Variants in DPP10 observed in about 807,000 individuals in gnomAD.
DPP10 encodes the protein inactive dipeptidyl peptidase 10.
Under a neutral mutation model 120.9 loss-of-function variants are expected in DPP10, and 33 were observed. That is an observed-to-expected ratio of 0.27 (90% CI 0.21 to 0.37). The LOEUF (loss-of-function observed/expected upper bound fraction) is 0.37, where lower values mean the gene tolerates loss of function less well. Among genes scored for constraint, DPP10 ranks in the 10% least tolerant of loss-of-function variants. The probability of loss-of-function intolerance (pLI) is 1.00; values close to 1 mark genes in which losing one functional copy is unlikely to be tolerated. For synonymous variants in DPP10, 337 were observed against 326.1 expected, an observed-to-expected ratio of 1.03 and a Z score of -0.36; for missense variants, 816 against 942.8, an observed-to-expected ratio of 0.87 and a Z score of 1.76.
At chr2:114,859,161 T>G (rs184754158) in intron 1 of DPP10, among the ~76,000 whole-genome samples, 1 of 149,842 alleles carries the variant, frequency 6.7e-6, no homozygotes, top group East Asian at 1.9e-4. Flanking sequence ...ACTCTGTCTC[T>G]ACTTAAAAAA....
At chr2:114,922,259 C>A (rs915718054) in intron 1 of DPP10, among the ~76,000 whole-genome samples, 1 of 152,182 alleles carries the variant, frequency 6.6e-6, no homozygotes, top group Admixed American at 6.5e-5. Flanking sequence ...ACCTCCCTCT[C>A]AGTTTATGCA....
intron 1 of DPP10, among the ~76,000 whole-genome samples, chr2:114,935,472 G>T (rs1251423034): frequency 6.6e-6 from 1 of 152,078 alleles, no homozygotes; most frequent in Non-Finnish European, 1.5e-5. Flanking sequence ...AAGTAGTATT[G>T]TCCCTTTGCA....
At chr2:114,676,410 G>A (rs1308524810) in intron 1 of DPP10, among the ~76,000 whole-genome samples, 1 of 152,080 alleles carries the variant, frequency 6.6e-6, no homozygotes, top group South Asian at 2.1e-4. Flanking sequence ...CATATCAATT[G>A]TATCTGTTTT....
chr2:115,777,720 A>ACAATGTGC, intron 14 of DPP10, 67 bp from the exon 15 acceptor site: 1 of 1,539,176 alleles, frequency 6.5e-7, no homozygotes, highest in African/African-American at 1.4e-5. Context: ...TGACAATGTG[A>ACAATGTGC]CAAAATTCAC....
intron 2 of DPP10, among the ~76,000 whole-genome samples, chr2:115,318,601 A>G (rs1050857479): frequency 7.2e-5 from 11 of 152,136 alleles, no homozygotes; most frequent in African/African-American, 2.4e-4. Context: ...AACAAAAATC[A>G]ACATTTTGTA....
rs146541816 is a variant in DPP10 at position 115,808,873 on chromosome 2, G to T, written c.1701-5920G>T. On this transcript the variant is annotated intron_variant, in intron 19 of 25. Coordinates refer to ENST00000410059, the MANE Select transcript of DPP10 (RefSeq NM_020868.6). ...TCAGGTAGCCTTCATCATAATCACC[G>T]CCAGAAAGAAAAATCTTAGAACTAG... 1.3e-4 allele frequency among the ~76,000 whole-genome samples: 20 copies of T among 152,192 alleles called. 1 individual carries two copies. Among genetic ancestry groups the T allele is most frequent in the Admixed American group, 1.2e-3 (18 of 15,278 alleles).
chr2:114,615,128 A>T (rs1336384562), intron 1 of DPP10, among the ~76,000 whole-genome samples: 1 of 152,150 alleles, frequency 6.6e-6, no homozygotes, highest in Non-Finnish European at 1.5e-5. Flanking sequence ...TAGATGTACA[A>T]ATCTTATTGC....
chr2:115,748,696 A>G (rs1028050775), intron 10 of DPP10, among the ~76,000 whole-genome samples: 1 of 152,092 alleles, frequency 6.6e-6, no homozygotes. Context: ...TGTAATAGAA[A>G]AAGTTCCCCA....
intron 1 of DPP10, among the ~76,000 whole-genome samples, chr2:115,246,266 C>T (rs144562418): frequency 2.0e-5 from 3 of 152,204 alleles, no homozygotes; most frequent in African/African-American, 4.8e-5. Flanking sequence ...GTGCTACATA[C>T]TGGCTAGACG....
intron 1 of DPP10, among the ~76,000 whole-genome samples, chr2:114,502,750 A>G (rs1048844536): frequency 1.3e-5 from 2 of 152,210 alleles, no homozygotes; most frequent in Admixed American, 1.3e-4. Context: ...AGGTTAGTAG[A>G]GACTTGTATT....
rs146577584 is a variant in DPP10, at chr2:115,836,181, A to G, written c.1975A>G (p.Met659Val). The change falls in exon 22 of 26, where the codon ATG becomes GTG. Residue 659 changes from methionine (M) to valine (V), a missense_variant. Around this residue, in one of 3 missense-constraint regions of DPP10, gnomAD observed 592 missense variants for 649.0 expected, o/e 0.91. Transcript: ENST00000410059. ...GKGYGGYIAS[M>V]ILKSDEKLFK... Reference sequence around the variant, plus strand: ...GGGTTATGGTGGCTATATTGCATCAATGATCTTAAAATCAGATGAAAAGCT... The same window carrying G: ...GGGTTATGGTGGCTATATTGCATCAGTGATCTTAAAATCAGATGAAAAGCT... 600 of 1,603,256 alleles carry G rather than the reference A, an allele frequency of 3.7e-4. No individual in the cohort carries two copies. The highest frequency in any genetic ancestry group is 2.3e-4 in the Non-Finnish European group (270 of 1,175,938).
chr2:114,645,597 A>C (rs1300480554), intron 1 of DPP10, among the ~76,000 whole-genome samples: 2 of 152,128 alleles, frequency 1.3e-5, no homozygotes, highest in Non-Finnish European at 2.9e-5. Context: ...ACTTTATTTT[A>C]ACCTTTTGTT....
chr2:115,538,647 A>T (rs2079007670), intron 5 of DPP10, among the ~76,000 whole-genome samples: 1 of 152,036 alleles, frequency 6.6e-6, no homozygotes, highest in Admixed American at 6.6e-5. Flanking sequence ...GAAGGATAGT[A>T]ATGGACACAC....
intron 4 of DPP10, among the ~76,000 whole-genome samples, chr2:115,502,869 AAC>A (rs2148802617): frequency 2.6e-5 from 1 of 38,920 alleles, no homozygotes; most frequent in Non-Finnish European, 5.9e-5. Context: ...AATTTTTTAA[AAC>A]AGTTTTTTTT....
At chr2:114,515,433 T>C (rs1684516312) in intron 1 of DPP10, among the ~76,000 whole-genome samples, 1 of 152,222 alleles carries the variant, frequency 6.6e-6, no homozygotes, top group Non-Finnish European at 1.5e-5. Context: ...TGAAGCTTAC[T>C]GAAGATATGA....
chr2:114,884,654 G>A (rs1328434248), intron 1 of DPP10, among the ~76,000 whole-genome samples: 2 of 152,038 alleles, frequency 1.3e-5, no homozygotes, highest in Non-Finnish European at 2.9e-5. Context: ...TGGTGCACCT[G>A]TCACCCTAGC....
chr2:114,925,202 C>T (rs1343685328), intron 1 of DPP10, among the ~76,000 whole-genome samples: 1 of 104,692 alleles, frequency 9.6e-6, no homozygotes, highest in African/African-American at 3.7e-5. Context: ...CAGAGCAAGA[C>T]TCTGTCTCAA....
intron 5 of DPP10, among the ~76,000 whole-genome samples, chr2:115,542,778 T>TATA (rs1201028716): frequency 6.6e-6 from 1 of 151,856 alleles, no homozygotes. Context: ...AGTAACTGTA[T>TATA]AACTATGGTG....
chr2:115,270,065 TTCAC>T lies in DPP10; in HGVS notation c.61-39173_61-39170del, dbSNP rs2059623298. 2.1e-4 allele frequency among the ~76,000 whole-genome samples: 19 copies of T among 89,490 alleles called. No individual in the cohort carries two copies. In the South Asian group the frequency reaches 7.4e-3, roughly 35 times the overall value. The allele number at this position is 89,490 out of a possible 152,430, so 58.7% of individuals were successfully genotyped here. ...GTGCCTAACTTGTTACTAGGTATAC[TTCAC>T]ACACACACACACACACACACACACA... is the stretch of plus-strand genomic sequence containing the variant. On this transcript the variant is annotated intron_variant, in intron 1 of 25. Coordinates refer to ENST00000410059, the MANE Select transcript of DPP10 (RefSeq NM_020868.6).
Sources: allele counts gnomAD v4.1 joint callset (sites outside exome capture counted in the v4.1 genomes callset), GRCh38; gene constraint gnomAD v4.1.1; regional missense constraint gnomAD v4.1.1; transcripts MANE v1.5; gene names NCBI Gene and HGNC (gene_info 2026-07-23, HGNC 2026-07-21).